The following ZNRF1 variants were observed in gnomAD, a reference collection of about 807,000 sequenced individuals.
The protein encoded by ZNRF1 is zinc and ring finger 1, also known as E3 ubiquitin-protein ligase ZNRF1.
A neutral mutation model predicts 18.4 loss-of-function variants in ZNRF1; 3 were observed. The ratio of observed to expected loss-of-function variants is 0.16; its 90% CI spans 0.07 to 0.42. The LOEUF (loss-of-function observed/expected upper bound fraction) is 0.42, where lower values mean the gene tolerates loss of function less well. Ranked by LOEUF, ZNRF1 falls within the 10% of genes least tolerant of loss-of-function variation. The pLI is 0.99. For synonymous variants in ZNRF1, 157 were observed against 144.2 expected (o/e 1.09, Z -0.64); for missense variants, 310 against 329.8 (o/e 0.94, Z 0.47).
intron 1 of ZNRF1, among the ~76,000 whole-genome samples, chr16:75,010,711 GTTTTTTT>G (rs752705386): frequency 2.7e-5 from 2 of 74,324 alleles, no homozygotes; most frequent in Non-Finnish European, 6.3e-5. Flanking sequence ...GTTTTTTTTT[GTTTTTTT>G]GTTTTTTTTT....
intron 1 of ZNRF1, among the ~76,000 whole-genome samples, chr16:75,049,007 CT>C (rs531574563): frequency 0.024 from 3,404 of 143,554 alleles, 95 homozygotes; most frequent in African/African-American, 0.07. Context: ...TTTGGAATCC[CT>C]TTTTTTTTTT....
chr16:75,097,035 TG>T (rs2145424830), intron 2 of ZNRF1, among the ~76,000 whole-genome samples: 1 of 152,262 alleles, frequency 6.6e-6, no homozygotes, highest in East Asian at 1.9e-4. Flanking sequence ...AGCGCCTTCC[TG>T]GAAGGTGAGG....
chr16:75,065,209 G>A (rs1200731589), intron 1 of ZNRF1, among the ~76,000 whole-genome samples: 1 of 152,196 alleles, frequency 6.6e-6, no homozygotes, highest in Non-Finnish European at 1.5e-5. Flanking sequence ...AGAAAGCCTG[G>A]GGGAGGCTGT....
intron 1 of ZNRF1, among the ~76,000 whole-genome samples, chr16:75,017,098 A>G (rs1050746797): frequency 6.6e-6 from 1 of 152,118 alleles, no homozygotes; most frequent in Admixed American, 6.6e-5. Flanking sequence ...ACATTTCCTG[A>G]TGTCTTTGTA....
At chr16:75,027,830 T>A (rs891701521) in intron 1 of ZNRF1, among the ~76,000 whole-genome samples, 6 of 152,206 alleles carry the variant, frequency 3.9e-5, no homozygotes, top group African/African-American at 1.4e-4. Flanking sequence ...AACAGGCCCC[T>A]AATGCTGTCT....
intron 1 of ZNRF1, among the ~76,000 whole-genome samples, chr16:75,057,196 C>T (rs1411710906): frequency 2.6e-5 from 4 of 152,184 alleles, no homozygotes; most frequent in Non-Finnish European, 5.9e-5. Flanking sequence ...GCTGCATGTC[C>T]CTGCTCCTTT....
At chr16:75,088,120 A>G (rs1278737243) in intron 1 of ZNRF1, among the ~76,000 whole-genome samples, 2 of 152,244 alleles carry the variant, frequency 1.3e-5, no homozygotes, top group South Asian at 4.1e-4. Context: ...CCAAAATGGA[A>G]TCAAAATTTC....
At chr16:75,094,254 C>G (rs924058230) in intron 2 of ZNRF1, among the ~76,000 whole-genome samples, 1 of 152,162 alleles carries the variant, frequency 6.6e-6, no homozygotes, top group African/African-American at 2.4e-5. Flanking sequence ...GATAGGACAC[C>G]TTGCTGCTCC....
chr16:75,080,992 T>G (rs1202537807), intron 1 of ZNRF1, among the ~76,000 whole-genome samples: 3 of 152,012 alleles, frequency 2.0e-5, no homozygotes, highest in Non-Finnish European at 4.4e-5. Flanking sequence ...GCCAATATGG[T>G]GAAACTCCCG....
intron 2 of ZNRF1, among the ~76,000 whole-genome samples, chr16:75,101,648 C>T (rs1454894735): frequency 6.6e-6 from 1 of 152,224 alleles, no homozygotes; most frequent in Non-Finnish European, 1.5e-5. Flanking sequence ...TCTTATCCTT[C>T]TGATGCATTT....
At chr16:75,030,587 A>G (rs2145348751) in intron 1 of ZNRF1, among the ~76,000 whole-genome samples, 1 of 152,250 alleles carries the variant, frequency 6.6e-6, no homozygotes, top group South Asian at 2.1e-4. Context: ...AAAATAATAA[A>G]TTTTAGAACC....
chr16:75,029,321 T>C lies in ZNRF1; in HGVS notation c.424+29226T>C, dbSNP rs372109571. 9.9e-5 allele frequency among the ~76,000 whole-genome samples: 15 copies of C among 152,154 alleles called. 2 individuals are homozygous for C. The highest frequency in any genetic ancestry group is 7.8e-4 in the East Asian group (4 of 5,158). Reference sequence around the variant, plus strand: ...ACCACCATGCCCGGCTAATTTTTTTTGTATTTTTAGTAGAGACGGGGTTCT... The same window carrying C: ...ACCACCATGCCCGGCTAATTTTTTTCGTATTTTTAGTAGAGACGGGGTTCT... On this transcript the variant is annotated intron_variant, in intron 1 of 4. Transcript: ENST00000335325.
intron 1 of ZNRF1, among the ~76,000 whole-genome samples, chr16:75,068,219 C>T (rs566764366): frequency 6.4e-4 from 91 of 143,228 alleles, no homozygotes; most frequent in Admixed American, 1.3e-3. Flanking sequence ...AAAAAATTAG[C>T]TGGGCATGAT....
chr16:75,004,907 C>T (rs370251316), intron 1 of ZNRF1, among the ~76,000 whole-genome samples: 2 of 152,198 alleles, frequency 1.3e-5, no homozygotes, highest in Non-Finnish European at 1.5e-5. Flanking sequence ...TAAGCCACCA[C>T]GCCTGGCCCA....
intron 1 of ZNRF1, among the ~76,000 whole-genome samples, chr16:75,074,511 G>C (rs1303474990): frequency 6.6e-6 from 1 of 152,326 alleles, no homozygotes; most frequent in Non-Finnish European, 1.5e-5. Flanking sequence ...ATCTGGTGCA[G>C]GGAGAGTGAG....
At chr16:75,010,478 G>C (rs2034980551) in intron 1 of ZNRF1, among the ~76,000 whole-genome samples, 1 of 152,080 alleles carries the variant, frequency 6.6e-6, no homozygotes, top group South Asian at 2.1e-4. Context: ...GATTTTATGA[G>C]TACTTTGGCT....
At chr16:75,076,830 A>G (rs1391925707) in intron 1 of ZNRF1, among the ~76,000 whole-genome samples, 1 of 151,724 alleles carries the variant, frequency 6.6e-6, no homozygotes, top group East Asian at 2.0e-4. Context: ...TAGTGCCCCC[A>G]GAAGAAGAAG....
intron 1 of ZNRF1, among the ~76,000 whole-genome samples, chr16:75,037,451 C>G (rs572312165): frequency 6.6e-6 from 1 of 152,258 alleles, no homozygotes; most frequent in East Asian, 1.9e-4. Context: ...GATTATCATG[C>G]CTCAGCCTCC....
intron 1 of ZNRF1, among the ~76,000 whole-genome samples, chr16:75,015,982 G>A (rs1347209492): frequency 2.0e-5 from 3 of 148,916 alleles, no homozygotes; most frequent in South Asian, 2.1e-4. Context: ...ATGCAATGGC[G>A]CGATCTCCTC....
Sources: gnomAD v4.1 joint callset for allele counts (sites outside exome capture counted in the v4.1 genomes callset) on GRCh38, gnomAD v4.1.1 for gene constraint, MANE v1.5 for transcripts, NCBI Gene and HGNC (gene_info 2026-07-23, HGNC 2026-07-21) for gene names.